The following CDK19 variants were observed in gnomAD, a reference collection of about 807,000 sequenced individuals.
CDK19 encodes cyclin dependent kinase 19.
In CDK19, 20 loss-of-function variants were observed where a neutral mutation model predicts 68.3. The observed-to-expected ratio is 0.29, with a 90% CI of 0.21 to 0.43. The LOEUF (loss-of-function observed/expected upper bound fraction) is 0.43. CDK19 is among the 20% of genes least tolerant of loss of function. The pLI, the probability that CDK19 is intolerant of heterozygous loss-of-function variation, is 1.00. For synonymous variants in CDK19, 221 were observed against 222.8 expected (o/e 0.99, Z 0.07); for missense variants, 339 against 623.5 (o/e 0.54, Z 4.86).
At chr6:110,731,829 G>A (rs116665083) in intron 2 of CDK19, among the ~76,000 whole-genome samples, 2,156 of 152,212 alleles carry the variant, frequency 0.014, 53 homozygotes, top group African/African-American at 0.05. Flanking sequence ...GTTGTATTTT[G>A]TATAGACTAT....
In CDK19 at chr6:110,798,960, T is replaced by C. The variant is rs573990870; in HGVS notation, c.128+16049A>G. On this transcript the variant is annotated intron_variant, in intron 1 of 12. Transcript: ENST00000368911. Reference sequence around the variant, plus strand: ...GAGTTCAAGACCAGCCTGGGCAGCATGGCAAAACCCTGTCTCTACAAAAAA... The same window carrying C: ...GAGTTCAAGACCAGCCTGGGCAGCACGGCAAAACCCTGTCTCTACAAAAAA... 1.3e-4 allele frequency among the ~76,000 whole-genome samples: 20 copies of C among 151,628 alleles called. No individual in the cohort carries two copies. The South Asian group carries it at 4.2e-3, about 32-fold the overall frequency.
At chr6:110,728,705 C>T (rs975603758) in intron 2 of CDK19, among the ~76,000 whole-genome samples, 2 of 152,172 alleles carry the variant, frequency 1.3e-5, no homozygotes, top group Admixed American at 6.5e-5. Flanking sequence ...CATCCTCACT[C>T]ATCACTTCAG....
chr6:110,763,696 T>C (rs1248732506), intron 1 of CDK19, among the ~76,000 whole-genome samples: 1 of 151,912 alleles, frequency 6.6e-6, no homozygotes, highest in Non-Finnish European at 1.5e-5. Context: ...ATTACTGGCA[T>C]GAGCCGCCAC....
At chr6:110,677,381 G>A (rs1771617040) in intron 2 of CDK19, among the ~76,000 whole-genome samples, 1 of 151,966 alleles carries the variant, frequency 6.6e-6, no homozygotes. Flanking sequence ...GGCTAACATG[G>A]TGAAACCCCG....
At chr6:110,799,965 C>T (rs1185702086) in intron 1 of CDK19, among the ~76,000 whole-genome samples, 1 of 152,104 alleles carries the variant, frequency 6.6e-6, no homozygotes, top group African/African-American at 2.4e-5. Context: ...ATAGAGAGGG[C>T]TGACTGTACT....
intron 6 of CDK19, among the ~76,000 whole-genome samples, chr6:110,629,223 G>A (rs2114685869): frequency 6.6e-6 from 1 of 152,264 alleles, no homozygotes; most frequent in African/African-American, 2.4e-5. Flanking sequence ...ATAGCAGGTG[G>A]CAGTACATTC....
At chr6:110,674,628 C>T (rs756247458) in intron 2 of CDK19, among the ~76,000 whole-genome samples, 1 of 152,254 alleles carries the variant, frequency 6.6e-6, no homozygotes, top group Admixed American at 6.5e-5. Context: ...GCTGGCTGGG[C>T]GAGGTGGCTC....
At chr6:110,659,997 T>C (rs2114347415) in intron 4 of CDK19, among the ~76,000 whole-genome samples, 1 of 152,314 alleles carries the variant, frequency 6.6e-6, no homozygotes, top group Non-Finnish European at 1.5e-5. Flanking sequence ...TATCATTTAA[T>C]TTTTGCTCTG....
In CDK19 at chr6:110,763,939, T is replaced by C. The variant is rs796565269; in HGVS notation, c.129-17738A>G. 3.9e-5 allele frequency among the ~76,000 whole-genome samples: 6 copies of C among 152,198 alleles called. No homozygotes were observed. The South Asian group carries it at 1.2e-3, about 31-fold the overall frequency. On this transcript the variant is annotated intron_variant, in intron 1 of 12. Transcript: ENST00000368911. Reference sequence around the variant, plus strand: ...GTACAAGATTAATATAAAAAGTCAATTGTTTTATTATATACCAGCAATAAA... The same window carrying C: ...GTACAAGATTAATATAAAAAGTCAACTGTTTTATTATATACCAGCAATAAA...
At chr6:110,710,707 C>A (rs1774875649) in intron 2 of CDK19, among the ~76,000 whole-genome samples, 1 of 152,156 alleles carries the variant, frequency 6.6e-6, no homozygotes, top group Non-Finnish European at 1.5e-5. Context: ...TATAACGGCA[C>A]CAATCTCATT....
intron 2 of CDK19, among the ~76,000 whole-genome samples, chr6:110,685,620 A>ATAT (rs2114544303): frequency 6.6e-6 from 1 of 152,310 alleles, no homozygotes; most frequent in East Asian, 1.9e-4. Flanking sequence ...CTCTTCTAAT[A>ATAT]TACTCTATGT....
chr6:110,712,181 C>T (rs933268562), intron 2 of CDK19, among the ~76,000 whole-genome samples: 1 of 152,142 alleles, frequency 6.6e-6, no homozygotes, highest in African/African-American at 2.4e-5. Context: ...ATGCTGACTC[C>T]AACAGGTTTC....
chr6:110,658,313 T>C (rs1399226120), intron 4 of CDK19, among the ~76,000 whole-genome samples: 1 of 152,180 alleles, frequency 6.6e-6, no homozygotes, highest in Non-Finnish European at 1.5e-5. Flanking sequence ...TTTGCAATTG[T>C]CCAAAATCAC....
chr6:110,763,832 G>A (rs1285556827), intron 1 of CDK19, among the ~76,000 whole-genome samples: 5 of 152,108 alleles, frequency 3.3e-5, no homozygotes, highest in South Asian at 2.1e-4. Context: ...CACAGACGAC[G>A]TAATTGTCTA....
At chr6:110,771,611 C>G (rs966472618) in intron 1 of CDK19, among the ~76,000 whole-genome samples, 1 of 152,190 alleles carries the variant, frequency 6.6e-6, no homozygotes, top group Non-Finnish European at 1.5e-5. Flanking sequence ...TTCTGCTCCT[C>G]GTTACTTATG....
chr6:110,756,731 A>G (rs938990995), intron 1 of CDK19, among the ~76,000 whole-genome samples: 5 of 152,174 alleles, frequency 3.3e-5, no homozygotes, highest in Admixed American at 1.3e-4. Context: ...CAGACAGCCA[A>G]AAGAACAGCT....
At chr6:110,791,719 T>C (rs1287082062) in intron 1 of CDK19, among the ~76,000 whole-genome samples, 1 of 152,106 alleles carries the variant, frequency 6.6e-6, no homozygotes, top group East Asian at 1.9e-4. Context: ...TTCAAACTCC[T>C]GGGTTCAAGC....
chr6:110,671,074 G>T (rs1455868324), intron 2 of CDK19, among the ~76,000 whole-genome samples: 2 of 151,918 alleles, frequency 1.3e-5, no homozygotes, highest in African/African-American at 4.8e-5. Flanking sequence ...TGTGGTTGAG[G>T]GTTTTTTTTT....
intron 4 of CDK19, among the ~76,000 whole-genome samples, chr6:110,640,560 A>G (rs1780080641): frequency 6.6e-6 from 1 of 152,232 alleles, no homozygotes; most frequent in African/African-American, 2.4e-5. Flanking sequence ...AGTTTATGTG[A>G]CTGGAAGAAT....
Sources: allele counts gnomAD v4.1 joint callset (sites outside exome capture counted in the v4.1 genomes callset), GRCh38; gene constraint gnomAD v4.1.1; transcripts MANE v1.5; gene names NCBI Gene and HGNC (gene_info 2026-07-23, HGNC 2026-07-21).